SLC14A2: variants seen among roughly 807,000 people sequenced by gnomAD.
The protein encoded by SLC14A2 is urea transporter 2.
Under a neutral mutation model 104.6 loss-of-function variants are expected in SLC14A2, and 91 were observed. The ratio of observed to expected loss-of-function variants is 0.87; its 90% CI spans 0.73 to 1.04. The LOEUF is 1.04. SLC14A2 is among the 50% of genes least tolerant of loss of function. SLC14A2 has a pLI of 0.00. For missense variants in SLC14A2, 1,189 were observed against 1,156.0 expected, an observed-to-expected ratio of 1.03 and a Z score of -0.41; for synonymous variants, 476 against 466.4, an observed-to-expected ratio of 1.02 and a Z score of -0.27.
chr18:45,221,574 G>A (rs1487014601), intron 1 of SLC14A2, among the ~76,000 whole-genome samples: 1 of 152,154 alleles, frequency 6.6e-6, no homozygotes, highest in Non-Finnish European at 1.5e-5. Context: ...TGGGATGGGA[G>A]GAGGAGGTGT....
the SLC14A2 span, among the ~76,000 whole-genome samples, chr18:45,199,834 C>T: frequency 5.9e-5 from 9 of 152,130 alleles, no homozygotes; most frequent in African/African-American, 1.9e-4. Context: ...CTGGGAACCA[C>T]GATCATGTGA....
intron 2 of SLC14A2, among the ~76,000 whole-genome samples, chr18:45,560,066 C>T (rs1033860100): frequency 2.6e-5 from 4 of 152,154 alleles, no homozygotes; most frequent in Admixed American, 6.5e-5. Flanking sequence ...GAACATATGC[C>T]CCCTCCCAGG....
chr18:45,273,563 T>A (rs1282647127), intron 1 of SLC14A2, among the ~76,000 whole-genome samples: 1 of 151,606 alleles, frequency 6.6e-6, no homozygotes, highest in Admixed American at 6.6e-5. Flanking sequence ...TAGACTTGAC[T>A]TTTTTCTGAT....
intron 1 of SLC14A2, among the ~76,000 whole-genome samples, chr18:45,284,445 C>T (rs576500306): frequency 2.0e-5 from 3 of 152,248 alleles, no homozygotes; most frequent in African/African-American, 7.2e-5. Context: ...GGCGCTGTCT[C>T]CTTCATGCTC....
chr18:45,421,288 T>C (rs1261546387), intron 1 of SLC14A2, among the ~76,000 whole-genome samples: 1 of 152,008 alleles, frequency 6.6e-6, no homozygotes, highest in Non-Finnish European at 1.5e-5. Context: ...TCCCATTTAC[T>C]GGCTCTTTCC....
chr18:45,525,648 A>G (rs1206295842), intron 2 of SLC14A2, among the ~76,000 whole-genome samples: 2 of 152,208 alleles, frequency 1.3e-5, no homozygotes, highest in South Asian at 2.1e-4. Flanking sequence ...ACTATTTTCA[A>G]TGCATTCCAA....
intron 1 of SLC14A2, among the ~76,000 whole-genome samples, chr18:45,300,494 A>G (rs1181142723): frequency 6.6e-6 from 1 of 152,050 alleles, no homozygotes. Flanking sequence ...ACGTGAAACT[A>G]ATGACAATCC....
At chr18:45,533,289 G>T (rs2043727588) in intron 2 of SLC14A2, among the ~76,000 whole-genome samples, 1 of 152,134 alleles carries the variant, frequency 6.6e-6, no homozygotes, top group African/African-American at 2.4e-5. Context: ...GCTCCTCCTT[G>T]TACCTCTGGT....
intron 2 of SLC14A2, among the ~76,000 whole-genome samples, chr18:45,606,067 G>A (rs998147802): frequency 1.4e-4 from 21 of 152,128 alleles, no homozygotes; most frequent in African/African-American, 4.3e-4. Flanking sequence ...TCCAGCTGGA[G>A]GCGGGGAGGT....
intron 2 of SLC14A2, among the ~76,000 whole-genome samples, chr18:45,494,955 A>T (rs1255191383): frequency 1.4e-5 from 2 of 139,932 alleles, no homozygotes; most frequent in Non-Finnish European, 1.6e-5. Context: ...TTCTTAATGG[A>T]TCTCCATAAT....
chr18:45,285,137 T>C (rs896083778), intron 1 of SLC14A2, among the ~76,000 whole-genome samples: 1 of 152,200 alleles, frequency 6.6e-6, no homozygotes, highest in African/African-American at 2.4e-5. Flanking sequence ...GAAGGTTTAT[T>C]TTAAATGTGG....
intron 11 of SLC14A2, among the ~76,000 whole-genome samples, chr18:45,664,889 G>A (rs551977948): frequency 3.9e-5 from 6 of 152,248 alleles, no homozygotes; most frequent in African/African-American, 1.4e-4. Flanking sequence ...TGCCTCAAAG[G>A]CTTAATAAAT....
intron 1 of SLC14A2, among the ~76,000 whole-genome samples, chr18:45,425,963 T>TA (rs2086419655): frequency 6.6e-6 from 1 of 151,254 alleles, no homozygotes; most frequent in South Asian, 2.1e-4. Flanking sequence ...TTACCTGGGA[T>TA]ACTCTCTGGA....
At chr18:45,226,202 C>G (rs1179109533) in intron 1 of SLC14A2, among the ~76,000 whole-genome samples, 1 of 152,150 alleles carries the variant, frequency 6.6e-6, no homozygotes, top group East Asian at 1.9e-4. Context: ...GAAATAGGAA[C>G]ACTTTTACAC....
chr18:45,215,662 C>T (rs1209225165), intron 1 of SLC14A2, among the ~76,000 whole-genome samples: 2 of 152,200 alleles, frequency 1.3e-5, no homozygotes, highest in African/African-American at 2.4e-5. Flanking sequence ...TTGAAAACTT[C>T]ACTTATTACT....
intron 6 of SLC14A2, among the ~76,000 whole-genome samples, chr18:45,638,425 A>G (rs1206779290): frequency 2.0e-5 from 3 of 152,208 alleles, no homozygotes. Flanking sequence ...AATTAAATCA[A>G]ATTGTCAAAA....
rs114678639 is a variant in SLC14A2, at chr18:45,651,749, C to T, written c.1351+7589C>T. On this transcript the variant is annotated intron_variant, in intron 10 of 19. Transcript: ENST00000255226. ...TGGAGGAATAAAGAGGAGTTATCGC[C>T]GAGGTGGTAAAAAGGTAAGAACATG... 5.4e-3 allele frequency among the ~76,000 whole-genome samples: 815 copies of T among 152,124 alleles called. 8 individuals carry two copies. Among genetic ancestry groups the T allele is most frequent in the African/African-American group, 0.019 (771 of 41,484 alleles).
At chr18:45,449,481 C>A (rs184829286) in intron 1 of SLC14A2, among the ~76,000 whole-genome samples, 46 of 152,226 alleles carry the variant, frequency 3.0e-4, no homozygotes, top group African/African-American at 1.0e-3. Flanking sequence ...TTCCTGCGCC[C>A]GGGGAAAGAC....
chr18:45,248,259 A>T (rs915169544), intron 1 of SLC14A2, among the ~76,000 whole-genome samples: 1 of 152,180 alleles, frequency 6.6e-6, no homozygotes, highest in African/African-American at 2.4e-5. Flanking sequence ...CACAGAAAAA[A>T]GTCATAGTCA....
Sources: allele counts gnomAD v4.1 joint callset (sites outside exome capture counted in the v4.1 genomes callset), GRCh38; gene constraint gnomAD v4.1.1; transcripts MANE v1.5; gene names NCBI Gene and HGNC (gene_info 2026-07-23, HGNC 2026-07-21).